The following TIA1 variants were observed in gnomAD, a reference collection of about 807,000 sequenced individuals.
TIA1 encodes cytotoxic granule associated RNA binding protein TIA1.
In TIA1, 23 loss-of-function variants were observed where a neutral mutation model predicts 65.9. That is an observed-to-expected ratio of 0.35 (90% CI 0.25 to 0.49). The LOEUF (loss-of-function observed/expected upper bound fraction) is 0.49. TIA1 is among the 20% of genes least tolerant of loss of function. The pLI is 0.98. For missense variants in TIA1, 371 were observed against 477.9 expected, an observed-to-expected ratio of 0.78 and a Z score of 2.09; for synonymous variants, 147 against 149.4, an observed-to-expected ratio of 0.98 and a Z score of 0.12.
chr2:70,244,631 C>T (rs947929255), intron 1 of TIA1, among the ~76,000 whole-genome samples: 18 of 149,030 alleles, frequency 1.2e-4, no homozygotes, highest in African/African-American at 3.4e-4. Context: ...GTCAGGAGAT[C>T]GAGACCATCC....
intron 2 of TIA1, among the ~76,000 whole-genome samples, chr2:70,231,094 T>G (rs1686065997): frequency 6.6e-6 from 1 of 152,094 alleles, no homozygotes; most frequent in Non-Finnish European, 1.5e-5. Context: ...GGTCAGCAGT[T>G]TGAGACCAAC....
At chr2:70,237,755 T>C (rs1286232845) in intron 1 of TIA1, among the ~76,000 whole-genome samples, 1 of 151,350 alleles carries the variant, frequency 6.6e-6, no homozygotes, top group Non-Finnish European at 1.5e-5. Context: ...TCCCAGCTAC[T>C]GGGGGACGGC....
At chr2:70,215,302 C>T (rs1462568118) in intron 11 of TIA1, 69 bp downstream of exon 11, 2 of 1,587,170 alleles carry the variant, frequency 1.3e-6, no homozygotes, top group Non-Finnish European at 1.7e-6. Flanking sequence ...CAAGGATTAT[C>T]AACAATCTTC....
intron 7 of TIA1, among the ~76,000 whole-genome samples, chr2:70,222,784 G>A (rs905352703): frequency 4.6e-5 from 7 of 152,158 alleles, no homozygotes; most frequent in African/African-American, 1.2e-4. Flanking sequence ...GCATGGTGGC[G>A]GCACCTGTAA....
rs1443261081 is a variant in TIA1, at chr2:70,224,454, GTAAAA to G, written c.474+95_474+99del. On this transcript the variant is annotated intron_variant, in intron 7 of 12. Transcript: ENST00000433529. ...TAGTGAGGGTTTATTTTAATCATCA[GTAAAA>G]TAAACAGCAGACGAAAAAAAGATTA... is the stretch of plus-strand genomic sequence containing the variant. The G allele has an allele frequency of 6.6e-6, 10 of 1,509,980 alleles. No individual in the cohort carries two copies. In the Admixed American group the frequency reaches 1.9e-4, roughly 29 times the overall value. The allele number at this position is 1,509,980 out of a possible 1,614,324, so 93.5% of individuals were successfully genotyped here. A position where few individuals can be genotyped will look rare whatever the true frequency, so the allele number is the denominator to read the frequency against.
intron 1 of TIA1, among the ~76,000 whole-genome samples, chr2:70,240,214 T>C (rs1035236537): frequency 5.3e-5 from 8 of 152,164 alleles, no homozygotes; most frequent in Non-Finnish European, 1.0e-4. Flanking sequence ...CAACGACCAA[T>C]GAGATACTGC....
intron 7 of TIA1, among the ~76,000 whole-genome samples, chr2:70,218,248 T>A (rs978334639): frequency 6.6e-6 from 1 of 152,102 alleles, no homozygotes; most frequent in Non-Finnish European, 1.5e-5. Flanking sequence ...GTCAAAACAA[T>A]GAGGAAGAAA....
At chr2:70,215,752 A>AT in intron 10 of TIA1, 3 of 370,902 alleles carry the variant, frequency 8.1e-6, no homozygotes, top group East Asian at 6.1e-5. Context: ...GAGAAATTTC[A>AT]ATTTTTTTTT....
At chr2:70,219,891 T>C (rs188197154) in intron 7 of TIA1, among the ~76,000 whole-genome samples, 227 of 152,146 alleles carry the variant, frequency 1.5e-3, no homozygotes, top group Middle Eastern at 6.8e-3. Flanking sequence ...GAAATGCACA[T>C]TCTTAAAAAG....
chr2:70,237,082 T>C (rs1689306886), intron 1 of TIA1, among the ~76,000 whole-genome samples: 1 of 152,214 alleles, frequency 6.6e-6, no homozygotes, highest in South Asian at 2.1e-4. Context: ...CAAAATCTCT[T>C]TGAAAACAGA....
At position 70,230,748 on chromosome 2, in the gene TIA1, C is replaced by G; in HGVS notation, c.222+8G>C. The G allele has an allele frequency of 1.3e-6, 2 of 1,583,018 alleles. No homozygotes were observed. Among genetic ancestry groups the G allele is most frequent in the African/African-American group, 2.7e-5 (2 of 72,996 alleles). ...TGCAAGTCACCTTCTTTAATTACGA[C>G]AGCTTACCTTACCCATTATCTTCCG... is the stretch of plus-strand genomic sequence containing the variant. On this transcript the variant is annotated splice_region_variant and intron_variant, in intron 3 of 12. Coordinates refer to ENST00000433529, the MANE Select transcript of TIA1 (RefSeq NM_022173.4).
At chr2:70,246,675 C>T (rs1489275367) in intron 1 of TIA1, among the ~76,000 whole-genome samples, 1 of 152,176 alleles carries the variant, frequency 6.6e-6, no homozygotes, top group Non-Finnish European at 1.5e-5. Context: ...CACCTGAGGT[C>T]AGGAGTTCGA....
intron 7 of TIA1, chr2:70,224,276 T>A (rs1573412611): frequency 2.6e-6 from 1 of 383,616 alleles, no homozygotes; most frequent in Admixed American, 3.8e-5. Flanking sequence ...ACTAGGGAGA[T>A]AATGAATTAA....
In TIA1 at chr2:70,214,668, A is replaced by G. The variant is rs571764530; in HGVS notation, c.889-174T>C. Among the ~76,000 whole-genome samples, 521 of 151,940 alleles carry G rather than the reference A, an allele frequency of 3.4e-3. 3 individuals are homozygous for G. The highest frequency in any genetic ancestry group is 0.012 in the African/African-American group (498 of 41,488). ...AAAAAAAAAAAAAAAACAAAAAACA[A>G]CAACAAAACAAGTGAGGTTATACTG... On this transcript the variant is annotated intron_variant, in intron 11 of 12. Transcript: ENST00000433529.
chr2:70,247,216 A>G (rs111321414), intron 1 of TIA1, among the ~76,000 whole-genome samples: 1 of 152,320 alleles, frequency 6.6e-6, no homozygotes, highest in Non-Finnish European at 1.5e-5. Context: ...GAATAGAGAA[A>G]AGAAATTTCA....
intron 12 of TIA1, 104 bp downstream of exon 12, chr2:70,214,245 A>T: frequency 7.9e-7 from 1 of 1,265,660 alleles, no homozygotes; most frequent in Non-Finnish European, 1.1e-6. Flanking sequence ...GTTACGCTTT[A>T]CATAAGAGGC....
At chr2:70,218,526 G>A (rs1296206439) in intron 7 of TIA1, among the ~76,000 whole-genome samples, 1 of 152,146 alleles carries the variant, frequency 6.6e-6, no homozygotes, top group Admixed American at 6.5e-5. Context: ...CCGCCTCCTG[G>A]GTTCCTGCCA....
chr2:70,229,949 A>AC (rs1685435699), intron 3 of TIA1, among the ~76,000 whole-genome samples: 1 of 151,472 alleles, frequency 6.6e-6, no homozygotes, highest in Admixed American at 6.6e-5. Flanking sequence ...AAAAAAAAAA[A>AC]CAAAAAAACC....
At chr2:70,226,616 A>T (rs1272895792) in intron 6 of TIA1, among the ~76,000 whole-genome samples, 1 of 152,172 alleles carries the variant, frequency 6.6e-6, no homozygotes. Flanking sequence ...AAATGAAAAC[A>T]CAAAATTGTG....
Sources: allele counts gnomAD v4.1 joint callset (sites outside exome capture counted in the v4.1 genomes callset), GRCh38; gene constraint gnomAD v4.1.1; transcripts MANE v1.5; gene names NCBI Gene and HGNC (gene_info 2026-07-23, HGNC 2026-07-21).